Variants in CSMD3 observed in about 807,000 individuals in gnomAD.
The protein encoded by CSMD3 is CUB and sushi domain-containing protein 3.
CSMD3 carries 177 observed loss-of-function variants against 435.2 expected under a neutral mutation model. That is an observed-to-expected ratio of 0.41 (90% CI 0.36 to 0.46). CSMD3 has a LOEUF of 0.46. Ranked by LOEUF, CSMD3 falls within the 20% of genes least tolerant of loss-of-function variation. The pLI is 0.34. For missense variants in CSMD3, 4,265 were observed against 4,504.6 expected, an observed-to-expected ratio of 0.95 and a Z score of 1.52; for synonymous variants, 1,656 against 1,520.5, an observed-to-expected ratio of 1.09 and a Z score of -2.07.
At chr8:112,964,310 A>G (rs1020785107) in intron 7 of CSMD3, among the ~76,000 whole-genome samples, 1 of 151,902 alleles carries the variant, frequency 6.6e-6, no homozygotes, top group Non-Finnish European at 1.5e-5. Flanking sequence ...CCATAAATAG[A>G]TGCAATTAGT....
At chr8:113,430,756 G>A (rs185770887) in intron 1 of CSMD3, among the ~76,000 whole-genome samples, 206 of 152,256 alleles carry the variant, frequency 1.4e-3, no homozygotes, top group African/African-American at 4.6e-3. Flanking sequence ...AATCACCATT[G>A]TTATTTTCCG....
intron 1 of CSMD3, among the ~76,000 whole-genome samples, chr8:113,344,293 G>T (rs2094138419): frequency 6.6e-6 from 1 of 151,702 alleles, no homozygotes; most frequent in South Asian, 2.1e-4. Context: ...GTAATTGTGG[G>T]GTATTTTATT....
intron 32 of CSMD3, 140 bp from the exon 33 acceptor site, chr8:112,409,172 G>A: frequency 6.8e-7 from 1 of 1,461,212 alleles, no homozygotes; most frequent in Non-Finnish European, 9.2e-7. Flanking sequence ...CCTAAAAGAG[G>A]ATAGGTGCCA....
intron 22 of CSMD3, among the ~76,000 whole-genome samples, chr8:112,603,021 G>C (rs1381941960): frequency 1.3e-5 from 2 of 152,166 alleles, no homozygotes; most frequent in East Asian, 3.9e-4. Context: ...GGGACTACAG[G>C]AGCATGCCAC....
intron 11 of CSMD3, among the ~76,000 whole-genome samples, chr8:112,850,661 A>G (rs2080458717): frequency 6.6e-6 from 1 of 152,198 alleles, no homozygotes; most frequent in Non-Finnish European, 1.5e-5. Flanking sequence ...TTTTTGTGCC[A>G]TTCACAATGT....
chr8:112,590,253 C>T (rs1037716946), intron 22 of CSMD3, among the ~76,000 whole-genome samples: 50 of 152,036 alleles, frequency 3.3e-4, no homozygotes, highest in African/African-American at 1.2e-3. Flanking sequence ...ATCATACAAT[C>T]ACTCAAATAA....
At chr8:113,094,198 C>T (rs879549186) in intron 5 of CSMD3, among the ~76,000 whole-genome samples, 1 of 152,176 alleles carries the variant, frequency 6.6e-6, no homozygotes, top group Non-Finnish European at 1.5e-5. Context: ...TATTCAATCA[C>T]TCATTCCCTA....
chr8:112,751,726 A>T (rs112890830), intron 13 of CSMD3, among the ~76,000 whole-genome samples: 1 of 151,888 alleles, frequency 6.6e-6, no homozygotes, highest in Non-Finnish European at 1.5e-5. Flanking sequence ...GAGAACTCTG[A>T]ATCAATCAGA....
chr8:112,614,248 G>A (rs1833498341), intron 22 of CSMD3, among the ~76,000 whole-genome samples: 1 of 152,054 alleles, frequency 6.6e-6, no homozygotes, highest in Non-Finnish European at 1.5e-5. Context: ...TAATTGCCAT[G>A]GTAGCAAACT....
intron 13 of CSMD3, among the ~76,000 whole-genome samples, chr8:112,794,285 C>CTTTTT (rs1203991072): frequency 2.0e-4 from 19 of 96,342 alleles, no homozygotes; most frequent in East Asian, 3.9e-4. Context: ...GACTGATAAA[C>CTTTTT]TTTTTTTTTT....
chr8:113,324,711 G>C (rs780304742), intron 1 of CSMD3, among the ~76,000 whole-genome samples: 4 of 152,186 alleles, frequency 2.6e-5, no homozygotes, highest in Non-Finnish European at 5.9e-5. Flanking sequence ...AGCTGTGAGA[G>C]AGGGCCACCA....
intron 22 of CSMD3, among the ~76,000 whole-genome samples, chr8:112,596,263 C>A (rs1028386193): frequency 5.9e-5 from 9 of 151,972 alleles, no homozygotes; most frequent in Non-Finnish European, 1.3e-4. Context: ...TCAAAAGAGA[C>A]AAAGAAGGCC....
intron 1 of CSMD3, among the ~76,000 whole-genome samples, chr8:113,405,786 G>A (rs921388520): frequency 6.6e-6 from 1 of 151,736 alleles, no homozygotes; most frequent in Non-Finnish European, 1.5e-5. Context: ...GCTGGCAAAT[G>A]AGAAAGGAAA....
chr8:112,454,814 G>T lies in CSMD3; in HGVS notation c.5395+17777C>A, dbSNP rs1207645344. 2.6e-5 allele frequency among the ~76,000 whole-genome samples: 4 copies of T among 151,900 alleles called. No homozygotes were observed. In the South Asian group the frequency reaches 6.2e-4, roughly 24 times the overall value. On this transcript the variant is annotated intron_variant, in intron 32 of 70. Coordinates refer to ENST00000297405, the MANE Select transcript of CSMD3 (RefSeq NM_198123.2). ...GAGACTAGCCTGGGCAACATGATGA[G>T]ACTCTGTCTCTACAAAAAAAAATCT... is the stretch of plus-strand genomic sequence containing the variant.
At chr8:113,022,454 C>T (rs182829959) in intron 5 of CSMD3, among the ~76,000 whole-genome samples, 2 of 151,826 alleles carry the variant, frequency 1.3e-5, no homozygotes, top group Non-Finnish European at 2.9e-5. Flanking sequence ...TGGTTTTATA[C>T]AGTAAAATTA....
At chr8:113,186,214 C>T (rs927038882) in intron 3 of CSMD3, among the ~76,000 whole-genome samples, 1 of 151,942 alleles carries the variant, frequency 6.6e-6, no homozygotes, top group South Asian at 2.1e-4. Flanking sequence ...GGGCTGTGCC[C>T]TATGTGGGCA....
chr8:112,338,892 A>T (rs1322410126), intron 42 of CSMD3, among the ~76,000 whole-genome samples: 1 of 152,038 alleles, frequency 6.6e-6, no homozygotes, highest in Non-Finnish European at 1.5e-5. Flanking sequence ...TTCAATTTCT[A>T]CTCCAAGTTT....
intron 7 of CSMD3, among the ~76,000 whole-genome samples, chr8:112,968,816 G>T (rs2084526465): frequency 6.6e-6 from 1 of 151,842 alleles, no homozygotes; most frequent in African/African-American, 2.4e-5. Flanking sequence ...ATTACTTGCT[G>T]GGCATACATT....
chr8:113,165,546 TGAC>T (rs1346150318), intron 4 of CSMD3, among the ~76,000 whole-genome samples: 1 of 152,112 alleles, frequency 6.6e-6, no homozygotes, highest in Non-Finnish European at 1.5e-5. Context: ...AAAAAGAGAC[TGAC>T]GTTTTTCTTT....
Sources: gnomAD v4.1 joint callset for allele counts (sites outside exome capture counted in the v4.1 genomes callset) on GRCh38, gnomAD v4.1.1 for gene constraint, MANE v1.5 for transcripts, NCBI Gene and HGNC (gene_info 2026-07-23, HGNC 2026-07-21) for gene names.